Variants in MBNL2 observed in about 807,000 individuals in gnomAD.
MBNL2 encodes muscleblind like splicing regulator 2.
MBNL2 carries 17 observed loss-of-function variants against 41.9 expected under a neutral mutation model. The observed-to-expected ratio is 0.41, with a 90% CI of 0.28 to 0.61. The LOEUF (loss-of-function observed/expected upper bound fraction) is 0.61. Among genes scored for constraint, MBNL2 ranks in the 20% least tolerant of loss-of-function variants. The probability of loss-of-function intolerance (pLI) is 0.35; values close to 1 mark genes in which losing one functional copy is unlikely to be tolerated. For missense variants in MBNL2, 336 were observed against 505.6 expected (o/e 0.66, Z 3.22); for synonymous variants, 195 against 182.9 (o/e 1.07, Z -0.53).
rs1256466422 is a variant in MBNL2, at chr13:97,393,275, GTTT to G, written c.*1831_*1833del. ...CATTCAAACTTGTTTTCTTTTTTCT[GTTT>G]TTTTCTTTGTTAATTCATTTAAACT... On this transcript the variant is annotated 3_prime_UTR_variant, in exon 9 of 9. Coordinates refer to ENST00000679496, the MANE Select transcript of MBNL2 (RefSeq NM_001382683.1). The G allele has an allele frequency of 5.3e-5, 8 of 151,828 alleles. No individual in the cohort carries two copies. The highest frequency in any genetic ancestry group is 5.3e-4 in the Admixed American group (8 of 15,190). 9.4% of individuals were successfully genotyped at this position (151,828 alleles called of 1,614,324 possible).
chr13:97,329,693 TAC>T (rs918864099), intron 2 of MBNL2, among the ~76,000 whole-genome samples: 13 of 156 alleles, frequency 0.083, no homozygotes, highest in Non-Finnish European at 0.11. Context: ...ACACACACAA[TAC>T]ACACACATGC....
chr13:97,365,243 G>C, intron 8 of MBNL2, 72 bp downstream of exon 8: 1 of 973,512 alleles, frequency 1.0e-6, no homozygotes, highest in Admixed American at 1.7e-5. Flanking sequence ...ATTTATTTCA[G>C]AGATGGTAGA....
At chr13:97,321,348 G>A (rs2059486240) in intron 2 of MBNL2, among the ~76,000 whole-genome samples, 1 of 152,190 alleles carries the variant, frequency 6.6e-6, no homozygotes, top group South Asian at 2.1e-4. Flanking sequence ...TGCTGGGACT[G>A]TGGAAGAGGC....
chr13:97,184,655 G>A, the MBNL2 span, among the ~76,000 whole-genome samples: 4 of 152,124 alleles, frequency 2.6e-5, no homozygotes, highest in African/African-American at 9.7e-5. Flanking sequence ...GCTAATTTTT[G>A]TATTTTTAGT....
At chr13:97,262,164 A>G (rs1454028464) in intron 1 of MBNL2, among the ~76,000 whole-genome samples, 3 of 152,208 alleles carry the variant, frequency 2.0e-5, no homozygotes, top group Admixed American at 1.3e-4. Flanking sequence ...ACTTCAGAGC[A>G]GAGAGTGCAA....
chr13:97,191,864 C>T, the MBNL2 span, among the ~76,000 whole-genome samples: 2 of 152,208 alleles, frequency 1.3e-5, no homozygotes, highest in Non-Finnish European at 2.9e-5. Flanking sequence ...ATCCCACACC[C>T]TGCATCTGCC....
chr13:97,379,243 G>A (rs1175228895), intron 8 of MBNL2, among the ~76,000 whole-genome samples: 2 of 152,152 alleles, frequency 1.3e-5, no homozygotes, highest in African/African-American at 4.8e-5. Context: ...AGAATAGCAA[G>A]AGAATCCAAA....
chr13:97,201,492 T>C, the MBNL2 span, among the ~76,000 whole-genome samples: 9 of 152,212 alleles, frequency 5.9e-5, no homozygotes, highest in African/African-American at 1.9e-4. Flanking sequence ...GACAAATATA[T>C]TGAATATCAG....
chr13:97,272,828 A>G (rs1171234497), intron 1 of MBNL2, among the ~76,000 whole-genome samples: 1 of 152,226 alleles, frequency 6.6e-6, no homozygotes, highest in African/African-American at 2.4e-5. Flanking sequence ...GTTTTTGTCA[A>G]TTCAAATAAA....
At chr13:97,288,676 TA>T (rs2055164348) in intron 2 of MBNL2, among the ~76,000 whole-genome samples, 1 of 152,208 alleles carries the variant, frequency 6.6e-6, no homozygotes, top group Non-Finnish European at 1.5e-5. Flanking sequence ...TAATACTAAA[TA>T]GCACATTCTT....
chr13:97,181,765 G>A, the MBNL2 span, among the ~76,000 whole-genome samples: 1 of 152,132 alleles, frequency 6.6e-6, no homozygotes, highest in Non-Finnish European at 1.5e-5. Flanking sequence ...CTCACATCTT[G>A]ACTGACATTG....
chr13:97,144,402 C>T, the MBNL2 span, among the ~76,000 whole-genome samples: 1 of 148,894 alleles, frequency 6.7e-6, no homozygotes, highest in Admixed American at 6.8e-5. Flanking sequence ...GCTCCTCTCC[C>T]TGCCTCTAGA....
the MBNL2 span, among the ~76,000 whole-genome samples, chr13:97,202,210 C>A: frequency 1.3e-5 from 2 of 152,124 alleles, no homozygotes; most frequent in Non-Finnish European, 2.9e-5. Flanking sequence ...ATAGAACTAG[C>A]TTTATGTGAT....
rs1566364165 is a variant in MBNL2 at position 97,246,306 on chromosome 13, CACA to C, written c.-605+23776_-605+23778del. On this transcript the variant is annotated intron_variant, in intron 1 of 8. Coordinates refer to ENST00000679496, the MANE Select transcript of MBNL2 (RefSeq NM_001382683.1). ...ACACACACACACACACACACACACACACACCTATTTATGTGGGTGAATCCCTAT... is the reference window on the plus strand; with the variant it reads ...ACACACACACACACACACACACACACCCTATTTATGTGGGTGAATCCCTAT... Among the ~76,000 whole-genome samples the C allele has an allele frequency of 5.5e-3, 822 of 150,748 alleles. 10 individuals are homozygous for C. Among genetic ancestry groups the C allele is most frequent in the African/African-American group, 0.018 (739 of 40,510 alleles).
At position 97,391,392 on chromosome 13, in the gene MBNL2, TTACTGTACA is replaced by T. The variant is rs1301532819; in HGVS notation, c.1124_1132del (p.Cys375_Tyr377del). The T allele has an allele frequency of 1.3e-6, 2 of 1,581,360 alleles. No homozygotes were observed. The highest frequency in any genetic ancestry group is 4.5e-5 in the East Asian group (2 of 44,656). ...CTGCATTGAGAATAACTAAACATTGTTACTGTACATACTATCCTGTTTCCTCCTCAATAG... is the reference window on the plus strand; with the variant it reads ...CTGCATTGAGAATAACTAAACATTGTTACTATCCTGTTTCCTCCTCAATAG... On this transcript the variant is annotated inframe_deletion, in exon 9 of 9. Coordinates refer to ENST00000679496, the MANE Select transcript of MBNL2 (RefSeq NM_001382683.1).
chr13:97,247,968 T>G (rs1191860080), intron 1 of MBNL2, among the ~76,000 whole-genome samples: 3 of 152,206 alleles, frequency 2.0e-5, no homozygotes, highest in African/African-American at 4.8e-5. Context: ...CAGAAAACCT[T>G]GTTCTGGTTT....
At chr13:97,230,840 A>C (rs987848485) in intron 1 of MBNL2, among the ~76,000 whole-genome samples, 1 of 152,222 alleles carries the variant, frequency 6.6e-6, no homozygotes, top group South Asian at 2.1e-4. Context: ...ATATTGGTTC[A>C]GAATCTTGTT....
At chr13:97,291,337 G>A (rs2055916312) in intron 2 of MBNL2, among the ~76,000 whole-genome samples, 2 of 151,978 alleles carry the variant, frequency 1.3e-5, no homozygotes, top group South Asian at 2.1e-4. Flanking sequence ...TGCCTCCCGG[G>A]TTCAAGCGAT....
chr13:97,334,442 T>C lies in MBNL2; in HGVS notation c.339+2T>C. 6.2e-7 allele frequency: 1 copy of C among 1,607,180 alleles called. No homozygotes were observed. The highest frequency in any genetic ancestry group is 8.5e-7 in the Non-Finnish European group (1 of 1,175,788). On this transcript the variant is annotated splice_donor_variant, in intron 3 of 8. Coordinates refer to ENST00000679496, the MANE Select transcript of MBNL2 (RefSeq NM_001382683.1). LOFTEE classifies it high-confidence loss of function. The surrounding 1 kb of genome is among the most constrained non-coding windows in gnomAD (Gnocchi z 5.3). Reference sequence around the variant, plus strand: ...CCAGGAACACCACTTCATCCAGTGGTGAGTACATCTTTATTCAGTGATGAG... The same window carrying C: ...CCAGGAACACCACTTCATCCAGTGGCGAGTACATCTTTATTCAGTGATGAG...
Sources: gnomAD v4.1 joint callset for allele counts (sites outside exome capture counted in the v4.1 genomes callset) on GRCh38, gnomAD v4.1.1 for gene constraint, Gnocchi (gnomAD v3.1) non-coding constraint, MANE v1.5 for transcripts, NCBI Gene and HGNC (gene_info 2026-07-23, HGNC 2026-07-21) for gene names.